Variants in IRAK4 observed in about 807,000 individuals in gnomAD.
The protein encoded by IRAK4 is interleukin 1 receptor associated kinase 4.
Under a neutral mutation model 51.8 loss-of-function variants are expected in IRAK4, and 44 were observed. That is an observed-to-expected ratio of 0.85 (90% CI 0.67 to 1.09). IRAK4 has a LOEUF of 1.09. IRAK4 is among the 50% of genes least tolerant of loss of function. The pLI is 0.00. For synonymous variants in IRAK4, 149 were observed against 174.1 expected (o/e 0.86, Z 1.13); for missense variants, 487 against 538.0 (o/e 0.91, Z 0.94).
At chr12:43,781,980 A>G (rs899562415) in intron 8 of IRAK4, among the ~76,000 whole-genome samples, 1 of 152,198 alleles carries the variant, frequency 6.6e-6, no homozygotes, top group African/African-American at 2.4e-5. Context: ...CCTATAATAA[A>G]TGATTTGTGG....
intron 11 of IRAK4, 35 bp downstream of exon 11, chr12:43,786,592 G>C: frequency 6.2e-7 from 1 of 1,608,790 alleles, no homozygotes; most frequent in Non-Finnish European, 8.5e-7. Context: ...AAAAGTGAAA[G>C]GGGTGGGGTT....
intron 4 of IRAK4, 40 bp from the exon 5 acceptor site, chr12:43,772,872 A>G (rs528704730): frequency 1.2e-5 from 17 of 1,440,282 alleles, no homozygotes; most frequent in Middle Eastern, 2.4e-4. Context: ...ATTAAAACGA[A>G]TTTTTAAAAT....
At chr12:43,763,936 C>T (rs1939844905) in intron 1 of IRAK4, among the ~76,000 whole-genome samples, 1 of 152,152 alleles carries the variant, frequency 6.6e-6, no homozygotes, top group Non-Finnish European at 1.5e-5. Flanking sequence ...ATGCTACCAT[C>T]CTGGTTTTTT....
At chr12:43,784,385 G>A (rs909370223) in intron 10 of IRAK4, among the ~76,000 whole-genome samples, 5 of 152,098 alleles carry the variant, frequency 3.3e-5, no homozygotes, top group Non-Finnish European at 5.9e-5. Context: ...CCTGGACATA[G>A]CATCAGAGTC....
chr12:43,769,492 A>T (rs4251463), intron 2 of IRAK4, among the ~76,000 whole-genome samples: 22,313 of 151,960 alleles, frequency 0.15, 2,164 homozygotes, highest in African/African-American at 0.27. Flanking sequence ...AAACCCCATC[A>T]CTACAAAAAA....
chr12:43,785,741 A>T (rs1476646259), intron 10 of IRAK4, among the ~76,000 whole-genome samples: 2 of 151,566 alleles, frequency 1.3e-5, no homozygotes, highest in Non-Finnish European at 2.9e-5. Context: ...AACCTCATAG[A>T]GTGTACTTAC....
In IRAK4 at chr12:43,780,763, G is replaced by A. The variant is rs528677142; in HGVS notation, c.942-1544G>A. ...ATTTTGTATTTTTAGTAGAGATGGG[G>A]TTTCTCCATGTTGATCAGGTTGGTC... On this transcript the variant is annotated intron_variant, in intron 8 of 11. Transcript: ENST00000613694. 7.2e-5 allele frequency among the ~76,000 whole-genome samples: 11 copies of A among 152,124 alleles called. No individual in the cohort carries two copies. The South Asian group carries it at 2.3e-3, about 32-fold the overall frequency.
In IRAK4 at chr12:43,773,945, T is replaced by C. The variant is rs762347141; in HGVS notation, c.652-20T>C. 6.6e-7 allele frequency: 1 copy of C among 1,506,946 alleles called. No individual in the cohort carries two copies. Among genetic ancestry groups the C allele is most frequent in the Non-Finnish European group, 9.2e-7 (1 of 1,083,962 alleles). The allele number at this position is 1,506,946 out of a possible 1,614,324, so 93.3% of individuals were successfully genotyped here. On this transcript the variant is annotated intron_variant, in intron 5 of 11. Coordinates refer to ENST00000613694, the MANE Select transcript of IRAK4 (RefSeq NM_016123.4). ...ACCTTAGAATTGTGTAGTATTACAT[T>C]GTATATTTTATTTTTTCAGATGGTT...
At chr12:43,769,750 GT>G (rs1940551578) in intron 2 of IRAK4, among the ~76,000 whole-genome samples, 1 of 152,170 alleles carries the variant, frequency 6.6e-6, no homozygotes, top group Non-Finnish European at 1.5e-5. Flanking sequence ...CCTTCACCAA[GT>G]GATCAAACTT....
rs1942318269 is a variant in IRAK4 at position 43,787,928 on chromosome 12, A to T, written c.*1213A>T. The T allele has an allele frequency of 6.6e-6, 1 of 152,238 alleles. No individual in the cohort carries two copies. Among genetic ancestry groups the T allele is most frequent in the African/African-American group, 2.4e-5 (1 of 41,402 alleles). The allele number at this position is 152,238 out of a possible 1,614,324, so 9.4% of individuals were successfully genotyped here. ...AAAAATTAGACGAGCGTGGTGGTGG[A>T]CACCTGTAGTCCCAGCTACTTGGGA... On this transcript the variant is annotated 3_prime_UTR_variant, in exon 12 of 12. Transcript: ENST00000613694.
At chr12:43,779,606 C>T (rs1267853102) in intron 8 of IRAK4, among the ~76,000 whole-genome samples, 1 of 152,102 alleles carries the variant, frequency 6.6e-6, no homozygotes, top group Non-Finnish European at 1.5e-5. Flanking sequence ...CTTGGCTATG[C>T]AGGGGTTCAG....
At chr12:43,768,479 C>A in intron 2 of IRAK4, 1 of 422,910 alleles carries the variant, frequency 2.4e-6, no homozygotes, top group Non-Finnish European at 4.2e-6. Context: ...ATACTGTGAT[C>A]TCTCAAATAA....
At chr12:43,774,966 C>T (rs924040693) in intron 6 of IRAK4, among the ~76,000 whole-genome samples, 4 of 152,198 alleles carry the variant, frequency 2.6e-5, no homozygotes, top group African/African-American at 9.7e-5. Flanking sequence ...GATTTAGAAA[C>T]ATTAAATAGC....
At chr12:43,781,658 T>A (rs1402991795) in intron 8 of IRAK4, among the ~76,000 whole-genome samples, 1 of 152,218 alleles carries the variant, frequency 6.6e-6, no homozygotes, top group African/African-American at 2.4e-5. Context: ...ACCATTGTTT[T>A]AAAAAATTAT....
chr12:43,770,971 CTCTT>C (rs1323768714), intron 2 of IRAK4: 3 of 644,728 alleles, frequency 4.7e-6, no homozygotes, highest in Non-Finnish European at 8.5e-6. Context: ...TTCTCTCTCT[CTCTT>C]TTTTTTTCTC....
At chr12:43,761,040 G>C (rs1220252171) in intron 1 of IRAK4, 1 of 152,128 alleles carries the variant, frequency 6.6e-6, no homozygotes, top group Admixed American at 6.5e-5. Flanking sequence ...TTACTGTTGT[G>C]TTGGATCAAT....
chr12:43,783,764 G>A, intron 10 of IRAK4, 40 bp downstream of exon 10: 1 of 1,343,162 alleles, frequency 7.4e-7, no homozygotes, highest in Non-Finnish European at 1.1e-6. Flanking sequence ...TTTTTTCTCT[G>A]CTTTTGTAGT....
rs1304484100 is a variant in IRAK4, at chr12:43,783,224, A to T, written c.1126-438A>T. 2.0e-5 allele frequency among the ~76,000 whole-genome samples: 3 copies of T among 152,252 alleles called. No individual in the cohort carries two copies. In the South Asian group the frequency reaches 6.2e-4, roughly 32 times the overall value. On this transcript the variant is annotated intron_variant, in intron 9 of 11. Transcript: ENST00000613694. ...TAATATCTAAAAGACATAGCTTTGT[A>T]TAGAATGATTAATCAAATTTTGTAA... is the stretch of plus-strand genomic sequence containing the variant.
intron 1 of IRAK4, among the ~76,000 whole-genome samples, chr12:43,764,389 A>G (rs1009729586): frequency 2.6e-5 from 4 of 152,226 alleles, no homozygotes; most frequent in Non-Finnish European, 5.9e-5. Flanking sequence ...GCACCACTGC[A>G]CTACAGCCTG....
Sources: gnomAD v4.1 joint callset for allele counts (sites outside exome capture counted in the v4.1 genomes callset) on GRCh38, gnomAD v4.1.1 for gene constraint, MANE v1.5 for transcripts, NCBI Gene and HGNC (gene_info 2026-07-23, HGNC 2026-07-21) for gene names.